The following NRG3 variants were observed in gnomAD, a reference collection of about 807,000 sequenced individuals.
NRG3 encodes the protein pro-neuregulin-3, membrane-bound isoform.
In NRG3, 31 loss-of-function variants were observed where a neutral mutation model predicts 66.9. The ratio of observed to expected loss-of-function variants is 0.46; its 90% CI spans 0.35 to 0.63. The LOEUF (loss-of-function observed/expected upper bound fraction) is 0.63, where lower values mean the gene tolerates loss of function less well. Among genes scored for constraint, NRG3 ranks in the 20% least tolerant of loss-of-function variants. NRG3 has a pLI of 0.00. For synonymous variants in NRG3, 393 were observed against 359.4 expected (o/e 1.09, Z -1.06); for missense variants, 910 against 878.9 (o/e 1.04, Z -0.45).
chr10:81,980,011 G>A (rs768926755), intron 1 of NRG3, among the ~76,000 whole-genome samples: 1 of 152,130 alleles, frequency 6.6e-6, no homozygotes, highest in East Asian at 1.9e-4. Context: ...AAAGTTAGTC[G>A]TCATCATTTT....
At chr10:82,348,254 G>T (rs1174198647) in intron 1 of NRG3, among the ~76,000 whole-genome samples, 1 of 151,994 alleles carries the variant, frequency 6.6e-6, no homozygotes, top group East Asian at 1.9e-4. Flanking sequence ...CTCTTTTAGG[G>T]CAGGCCTGGT....
In NRG3 at chr10:82,875,140, T is replaced by G. The variant is rs146981846; in HGVS notation, c.1054+9703T>G. ...TGAAGGTTTTGTGGTGAGTACAGACTGTGTTGAATGAAGTCATTTGGGTGG... is the reference window on the plus strand; with the variant it reads ...TGAAGGTTTTGTGGTGAGTACAGACGGTGTTGAATGAAGTCATTTGGGTGG... On this transcript the variant is annotated intron_variant, in intron 4 of 8. Coordinates refer to ENST00000372141, the MANE Select transcript of NRG3 (RefSeq NM_001010848.4). Among the ~76,000 whole-genome samples the G allele has an allele frequency of 1.3e-3, 200 of 152,290 alleles. 4 individuals are homozygous for G. The East Asian group carries it at 0.029, about 22-fold the overall frequency.
chr10:82,694,796 T>C (rs2055240165), intron 2 of NRG3, among the ~76,000 whole-genome samples: 1 of 152,134 alleles, frequency 6.6e-6, no homozygotes, highest in African/African-American at 2.4e-5. Flanking sequence ...TTGGAATAAA[T>C]TCATTTTTAT....
At chr10:82,320,606 G>T (rs897545980) in intron 1 of NRG3, among the ~76,000 whole-genome samples, 2 of 152,088 alleles carry the variant, frequency 1.3e-5, no homozygotes, top group Non-Finnish European at 2.9e-5. Flanking sequence ...TCTAAATTAG[G>T]TTATTGTAGC....
At chr10:82,382,002 A>C (rs1236808545) in intron 2 of NRG3, among the ~76,000 whole-genome samples, 1 of 152,156 alleles carries the variant, frequency 6.6e-6, no homozygotes, top group East Asian at 1.9e-4. Context: ...CTTTACTTTT[A>C]GGAGATTTTA....
chr10:82,519,564 T>G (rs554642219), intron 2 of NRG3, among the ~76,000 whole-genome samples: 78 of 152,218 alleles, frequency 5.1e-4, no homozygotes, highest in Non-Finnish European at 1.1e-3. Flanking sequence ...CAGCAGCTTC[T>G]TCAGTTTATG....
chr10:81,890,486 G>T (rs1449537393), intron 1 of NRG3, among the ~76,000 whole-genome samples: 2 of 152,192 alleles, frequency 1.3e-5, no homozygotes, highest in Non-Finnish European at 2.9e-5. Context: ...ACTATAGAAA[G>T]CTGACATCTT....
At chr10:82,005,337 T>A (rs1224182833) in intron 1 of NRG3, among the ~76,000 whole-genome samples, 2 of 152,232 alleles carry the variant, frequency 1.3e-5, no homozygotes, top group Non-Finnish European at 2.9e-5. Flanking sequence ...AACTTAAGGA[T>A]GCCTAGTGAT....
At chr10:82,476,539 T>C (rs973687434) in intron 2 of NRG3, among the ~76,000 whole-genome samples, 2 of 152,064 alleles carry the variant, frequency 1.3e-5, no homozygotes, top group African/African-American at 2.4e-5. Context: ...AGGAAGAAAA[T>C]TCGAACACAT....
At chr10:82,109,368 T>A (rs1390480873) in intron 1 of NRG3, among the ~76,000 whole-genome samples, 1 of 152,188 alleles carries the variant, frequency 6.6e-6, no homozygotes. Context: ...ACCATTTATT[T>A]AGTCAACACT....
At chr10:82,674,975 T>TTTA (rs2053570387) in intron 2 of NRG3, among the ~76,000 whole-genome samples, 1 of 98,244 alleles carries the variant, frequency 1.0e-5, no homozygotes, top group Admixed American at 9.3e-5. Flanking sequence ...TTATTTATTT[T>TTTA]TTGAGACGGA....
At chr10:82,392,722 G>T (rs2086461952) in intron 2 of NRG3, among the ~76,000 whole-genome samples, 1 of 152,136 alleles carries the variant, frequency 6.6e-6, no homozygotes, top group Non-Finnish European at 1.5e-5. Context: ...AGACCTGGAA[G>T]AATGCAGCAT....
chr10:82,425,863 TG>T (rs1390238583), intron 2 of NRG3, among the ~76,000 whole-genome samples: 2 of 152,174 alleles, frequency 1.3e-5, no homozygotes, highest in Non-Finnish European at 2.9e-5. Context: ...TGTAGTTTTT[TG>T]TTCTAGCCTG....
At chr10:81,919,771 T>C (rs1589455306) in intron 1 of NRG3, among the ~76,000 whole-genome samples, 1 of 151,916 alleles carries the variant, frequency 6.6e-6, no homozygotes, top group African/African-American at 2.4e-5. Flanking sequence ...GAGACACCCA[T>C]GAATGTCCAG....
intron 1 of NRG3, among the ~76,000 whole-genome samples, chr10:82,317,240 G>C (rs139326609): frequency 5.3e-5 from 8 of 149,778 alleles, no homozygotes; most frequent in African/African-American, 2.0e-4. Context: ...CATGAATTTC[G>C]TGTTTCAATG....
intron 1 of NRG3, among the ~76,000 whole-genome samples, chr10:82,285,220 G>A (rs1020575653): frequency 6.6e-6 from 1 of 152,172 alleles, no homozygotes; most frequent in African/African-American, 2.4e-5. Context: ...GAAGACAGAA[G>A]CTTATATTCA....
At chr10:82,527,500 T>A (rs532919597) in intron 2 of NRG3, among the ~76,000 whole-genome samples, 1 of 152,318 alleles carries the variant, frequency 6.6e-6, no homozygotes, top group East Asian at 1.9e-4. Flanking sequence ...TCTAAACATG[T>A]ATATTTTCCA....
chr10:82,385,767 G>T (rs1255118563), intron 2 of NRG3, among the ~76,000 whole-genome samples: 2 of 152,118 alleles, frequency 1.3e-5, no homozygotes, highest in Non-Finnish European at 1.5e-5. Context: ...ATTTAGTAAG[G>T]TGTGTTTATA....
chr10:82,285,042 CTT>C (rs1258376027), intron 1 of NRG3, among the ~76,000 whole-genome samples: 1 of 152,138 alleles, frequency 6.6e-6, no homozygotes, highest in African/African-American at 2.4e-5. Flanking sequence ...CTGTTTCTAA[CTT>C]TTATTTGTTT....
Sources: gnomAD v4.1 joint callset for allele counts (sites outside exome capture counted in the v4.1 genomes callset) on GRCh38, gnomAD v4.1.1 for gene constraint, MANE v1.5 for transcripts, NCBI Gene and HGNC (gene_info 2026-07-23, HGNC 2026-07-21) for gene names.